Variants in CCDC38 observed in about 807,000 individuals in gnomAD.
CCDC38 encodes the protein coiled-coil domain containing 38, also known as coiled-coil domain-containing protein 38.
In CCDC38, 69 loss-of-function variants were observed where a neutral mutation model predicts 72.8. That is an observed-to-expected ratio of 0.95 (90% confidence interval 0.78 to 1.16). CCDC38 has a LOEUF of 1.16. CCDC38 is among the 50% of genes most tolerant of loss of function. The probability of loss-of-function intolerance (pLI) is 0.00; values close to 1 mark genes in which losing one functional copy is unlikely to be tolerated. For synonymous variants in CCDC38, 201 were observed against 213.2 expected, an observed-to-expected ratio of 0.94 and a Z score of 0.50; for missense variants, 626 against 638.9, an observed-to-expected ratio of 0.98 and a Z score of 0.22.
At chr12:95,933,214 G>T (rs926395608) in intron 2 of CCDC38, 1 of 152,052 alleles carries the variant, frequency 6.6e-6, no homozygotes, top group Non-Finnish European at 1.5e-5. Flanking sequence ...TAAGATTAAA[G>T]ACTTTGTTCA....
At chr12:95,937,041 T>A (rs2080401735) in intron 1 of CCDC38, among the ~76,000 whole-genome samples, 1 of 152,160 alleles carries the variant, frequency 6.6e-6, no homozygotes, top group African/African-American at 2.4e-5. Context: ...CAATCTTAGC[T>A]GCAAAGCTTA....
chr12:95,880,653 C>CA (rs34210026), intron 11 of CCDC38, among the ~76,000 whole-genome samples: 35,222 of 125,462 alleles, frequency 0.28, 5,186 homozygotes, highest in African/African-American at 0.46. Flanking sequence ...AACTCCATTT[C>CA]AAAAAAAAAA....
chr12:95,878,394 G>A lies in CCDC38; in HGVS notation c.1143-48C>T, dbSNP rs1452229431. On this transcript the variant is annotated intron_variant, in intron 12 of 15. Coordinates refer to ENST00000344280, the MANE Select transcript of CCDC38 (RefSeq NM_182496.3). ...CCCTCATCTGAAATTTGTGGTTAGT[G>A]AAATAACCATCAGTCAGGAGCTTTA... 4 of 1,566,436 alleles carry A rather than the reference G, an allele frequency of 2.6e-6. No homozygotes were observed. The Admixed American group carries it at 7.0e-5, about 28-fold the overall frequency.
intron 15 of CCDC38, 77 bp downstream of exon 15, chr12:95,869,403 T>C (rs1180367086): frequency 1.3e-5 from 14 of 1,083,126 alleles, no homozygotes. Context: ...CTGGATAAGT[T>C]AGACGAATAA....
intron 4 of CCDC38, among the ~76,000 whole-genome samples, chr12:95,916,702 C>A (rs1318996556): frequency 3.9e-5 from 6 of 151,994 alleles, no homozygotes; most frequent in East Asian, 3.9e-4. Flanking sequence ...TAGGTATTTG[C>A]AACATTAGGT....
chr12:95,885,061 C>A (rs2079743309), intron 10 of CCDC38: 1 of 152,108 alleles, frequency 6.6e-6, no homozygotes, highest in South Asian at 2.1e-4. Context: ...CTAGAATAGC[C>A]AACACAGTTT....
At chr12:95,886,703 C>T (rs2079763540) in intron 10 of CCDC38, among the ~76,000 whole-genome samples, 1 of 152,138 alleles carries the variant, frequency 6.6e-6, no homozygotes, top group African/African-American at 2.4e-5. Context: ...AACAAGCACA[C>T]GACAAGATGC....
intron 2 of CCDC38, among the ~76,000 whole-genome samples, chr12:95,928,811 G>A (rs111861960): frequency 6.6e-6 from 1 of 152,202 alleles, no homozygotes; most frequent in African/African-American, 2.4e-5. Flanking sequence ...TGAGGTGTCA[G>A]TGTGCCCCTG....
Position 95,924,463 on chromosome 12 carries a change from T to G in CCDC38, c.38-5487A>C, listed in dbSNP as rs367943760. On this transcript the variant is annotated intron_variant, in intron 2 of 15. Coordinates refer to ENST00000344280, the MANE Select transcript of CCDC38 (RefSeq NM_182496.3). Reference sequence around the variant, plus strand: ...AGCCCTTTGTCAGATGAGTAGGTTGTGAAAATTTTCTCCCATTTTGTAGGT... The same window carrying G: ...AGCCCTTTGTCAGATGAGTAGGTTGGGAAAATTTTCTCCCATTTTGTAGGT... Among the ~76,000 whole-genome samples the G allele has an allele frequency of 3.8e-3, 534 of 141,346 alleles. 4 individuals carry two copies. Among genetic ancestry groups the G allele is most frequent in the African/African-American group, 0.013 (497 of 37,940 alleles). The allele number at this position is 141,346 out of a possible 152,430, so 92.7% of individuals were successfully genotyped here. A position where few individuals can be genotyped will look rare whatever the true frequency, so the allele number is the denominator to read the frequency against.
chr12:95,867,180 G>A lies in CCDC38; in HGVS notation c.1588C>T (p.Arg530Ter), dbSNP rs772847987. Residue 530 changes from arginine (R) to a stop codon, truncating the protein, a stop_gained, in exon 16 of 16, where the codon CGA (arginine) becomes TGA (stop). Coordinates refer to ENST00000344280, the MANE Select transcript of CCDC38 (RefSeq NM_182496.3). LOFTEE classifies it low-confidence loss of function (END_TRUNC). Reference protein sequence around the residue: ...VAQPKKKLGRRLVFHSKPPSG... With the variant: ...VAQPKKKLGR ...GGAGGTTTTGAATGAAAGACAAGTC[G>A]TCTTCCCAACTGAAACAAAAGAAAA... The A allele has an allele frequency of 1.4e-5, 22 of 1,572,378 alleles. No individual in the cohort carries two copies. Among genetic ancestry groups the A allele is most frequent in the African/African-American group, 1.1e-4 (8 of 73,996 alleles).
intron 2 of CCDC38, among the ~76,000 whole-genome samples, chr12:95,924,674 T>G (rs2080248764): frequency 6.6e-6 from 1 of 151,460 alleles, no homozygotes; most frequent in Non-Finnish European, 1.5e-5. Flanking sequence ...TGGTTTTAGG[T>G]CTAACGTTTA....
chr12:95,891,824 C>T (rs1287547557), intron 8 of CCDC38, among the ~76,000 whole-genome samples: 21 of 152,162 alleles, frequency 1.4e-4, no homozygotes, highest in Non-Finnish European at 4.4e-5. Flanking sequence ...CTAGGGAACT[C>T]AGCAGGGAAA....
chr12:95,892,049 C>CCCT (rs139064726), intron 8 of CCDC38, among the ~76,000 whole-genome samples: 5,499 of 151,016 alleles, frequency 0.036, 154 homozygotes, highest in South Asian at 0.076. Flanking sequence ...GGGCTCACCT[C>CCCT]CCTGGTTTCC....
chr12:95,940,292 A>C (rs1003163351), intron 1 of CCDC38, among the ~76,000 whole-genome samples: 1 of 152,302 alleles, frequency 6.6e-6, no homozygotes, highest in East Asian at 1.9e-4. Context: ...AATCAGCTTC[A>C]TGTAGAGTCT....
intron 2 of CCDC38, among the ~76,000 whole-genome samples, chr12:95,926,813 C>G (rs944534696): frequency 1.6e-3 from 245 of 151,498 alleles, no homozygotes; most frequent in African/African-American, 5.5e-3. Flanking sequence ...AGTAGTCATT[C>G]AGGAGCAGGT....
At position 95,906,389 on chromosome 12, in the gene CCDC38, C is replaced by G; in HGVS notation, c.367G>C (p.Glu123Gln). The change falls in exon 5 of 16, where the codon GAG (glutamate) becomes CAG (glutamine). Residue 123 changes from glutamate to glutamine, a missense_variant and splice_region_variant. Coordinates refer to ENST00000344280, the MANE Select transcript of CCDC38 (RefSeq NM_182496.3). ...GGGAGAAAAGTTATTTTTACTACCT[C>G]GAGCAGAAACCTGTCTCTCTGGTCA... Reference protein sequence around the residue: ...INDQRDRFLLEYALSTKRNTI... With the variant: ...INDQRDRFLLQYALSTKRNTI... 1.9e-6 allele frequency: 3 copies of G among 1,608,882 alleles called. No homozygotes were observed. Among genetic ancestry groups the G allele is most frequent in the Non-Finnish European group, 8.5e-7 (1 of 1,176,058 alleles).
intron 2 of CCDC38, among the ~76,000 whole-genome samples, chr12:95,924,715 T>C (rs1218243770): frequency 3.3e-5 from 5 of 151,404 alleles, no homozygotes; most frequent in Admixed American, 1.3e-4. Context: ...TTAATTTTTG[T>C]ATAAGGGGTA....
chr12:95,868,117 A>G (rs1565938846), intron 15 of CCDC38, among the ~76,000 whole-genome samples: 2 of 152,242 alleles, frequency 1.3e-5, no homozygotes, highest in Non-Finnish European at 1.5e-5. Context: ...TGAGAAAATT[A>G]GCAATGATGA....
At position 95,917,399 on chromosome 12, in the gene CCDC38, A is replaced by G. The variant is rs1172423853; in HGVS notation, c.139-105T>C. ...TAACATTTGCAACAAAAATCTTAAC[A>G]TTAAAAAAACAACCCCAGGTTCTTC... On this transcript the variant is annotated intron_variant, in intron 3 of 15. Transcript: ENST00000344280. 3 of 974,566 alleles carry G rather than the reference A, an allele frequency of 3.1e-6. No individual in the cohort carries two copies. In the East Asian group the frequency reaches 8.6e-5, roughly 28 times the overall value. The allele number at this position is 974,566 out of a possible 1,614,324, so 60.4% of individuals were successfully genotyped here. A position where few individuals can be genotyped will look rare whatever the true frequency, so the allele number is the denominator to read the frequency against.
Sources: gnomAD v4.1 joint callset for allele counts (sites outside exome capture counted in the v4.1 genomes callset) on GRCh38, gnomAD v4.1.1 for gene constraint, MANE v1.5 for transcripts, NCBI Gene and HGNC (gene_info 2026-07-23, HGNC 2026-07-21) for gene names.